Variants in TLE6 observed in about 807,000 individuals in gnomAD.
The protein encoded by TLE6 is TLE family member 6, subcortical maternal complex member, also known as transducin-like enhancer protein 6.
A neutral mutation model predicts 77.1 loss-of-function variants in TLE6; 72 were observed. The observed-to-expected ratio is 0.93, with a 90% CI of 0.77 to 1.14. The LOEUF (loss-of-function observed/expected upper bound fraction) is 1.14, where lower values mean the gene tolerates loss of function less well. Ranked by LOEUF, TLE6 falls within the 50% of genes most tolerant of loss-of-function variation. The pLI is 0.00. For synonymous variants in TLE6, 366 were observed against 287.3 expected (o/e 1.27, Z -2.77); for missense variants, 843 against 747.6 (o/e 1.13, Z -1.49).
intron 3 of TLE6, chr19:2,980,492 T>G (rs2088775637): frequency 4.9e-6 from 1 of 203,868 alleles, no homozygotes; most frequent in South Asian, 7.1e-5. Flanking sequence ...TCCCAGCACT[T>G]TGGGAGGCGG....
intron 5 of TLE6, among the ~76,000 whole-genome samples, chr19:2,982,618 G>T (rs903307748): frequency 6.6e-6 from 1 of 151,638 alleles, no homozygotes; most frequent in Non-Finnish European, 1.5e-5. Context: ...CTTGTGGGCC[G>T]TGGGAAGGAC....
In TLE6 at chr19:2,986,921, G is replaced by A. The variant is rs77652478; in HGVS notation, c.285+30G>A. On this transcript the variant is annotated intron_variant, in intron 6 of 16. Coordinates refer to ENST00000246112, the MANE Select transcript of TLE6 (RefSeq NM_001143986.2). ...GTTTCTGGGTCTTCAAGGAGGGGAG[G>A]GGACAGGCTTGGGTGAAGGCTCATC... The A allele has an allele frequency of 8.4e-5, 130 of 1,552,920 alleles. No individual in the cohort carries two copies. In the African/African-American group the frequency reaches 1.7e-3, roughly 21 times the overall value.
intron 11 of TLE6, 179 bp from the exon 12 acceptor site, chr19:2,988,882 A>C (rs1393598186): frequency 1.1e-6 from 1 of 909,654 alleles, no homozygotes; most frequent in Non-Finnish European, 1.6e-6. Flanking sequence ...GCTGTGGCAA[A>C]GGGACAATAC....
rs1431650395 is a variant in TLE6 at position 2,993,641 on chromosome 19, C to T, written c.1537+59C>T. The T allele has an allele frequency of 4.0e-6, 6 of 1,510,146 alleles. No individual in the cohort carries two copies. In the African/African-American group the frequency reaches 7.0e-5, roughly 18 times the overall value. 93.5% of individuals were successfully genotyped at this position (1,510,146 alleles called of 1,614,324 possible). ...TGCAGCCCCCAGCCTCCCACAAGAC[C>T]CCACCTAATGCCAGCTCCCCACCCA... is the stretch of plus-strand genomic sequence containing the variant. On this transcript the variant is annotated intron_variant, in intron 15 of 16. Coordinates refer to ENST00000246112, the MANE Select transcript of TLE6 (RefSeq NM_001143986.2).
intron 13 of TLE6, among the ~76,000 whole-genome samples, chr19:2,991,195 A>C (rs1483295677): frequency 6.7e-6 from 1 of 150,170 alleles, no homozygotes; most frequent in African/African-American, 2.5e-5. Context: ...CCCCATCTCT[A>C]CTAAAAATAC....
chr19:2,987,930 C>T lies in TLE6; in HGVS notation c.658C>T (p.Pro220Ser), dbSNP rs2088953555. The T allele has an allele frequency of 4.3e-6, 7 of 1,610,626 alleles. No individual in the cohort carries two copies. Among genetic ancestry groups the T allele is most frequent in the Non-Finnish European group, 5.1e-6 (6 of 1,177,828 alleles). ...PRPPEASSSP[P>S]EGSQDRNTSW... ...GCCACCTGAGGCCTCCTCCAGTCCC[C>T]CTGAGGGTTCCCAAGACAGGAACAC... The change falls in exon 10 of 17, where the codon CCT becomes TCT. Residue 220 changes from proline to serine, a missense_variant. By Grantham distance (74) the Pro-to-Ser change is moderately conservative (BLOSUM62 -1). Transcript: ENST00000246112.
At chr19:2,982,502 C>T (rs1005298223) in intron 5 of TLE6, among the ~76,000 whole-genome samples, 2 of 145,748 alleles carry the variant, frequency 1.4e-5, no homozygotes, top group African/African-American at 5.1e-5. Flanking sequence ...CGTGGAACTG[C>T]ACTCCAGCCT....
chr19:2,986,258 G>A (rs1479714448), intron 5 of TLE6, among the ~76,000 whole-genome samples: 1 of 151,014 alleles, frequency 6.6e-6, no homozygotes, highest in Non-Finnish European at 1.5e-5. Flanking sequence ...TACAAAAAGT[G>A]TATTTAAATT....
At chr19:2,991,351 T>C in intron 13 of TLE6, among the ~76,000 whole-genome samples, 1 of 115,924 alleles carries the variant, frequency 8.6e-6, no homozygotes, top group African/African-American at 3.6e-5. Flanking sequence ...AAAACGAGAC[T>C]CCATTTCAAA....
chr19:2,982,492 C>T (rs2088818026), intron 5 of TLE6, among the ~76,000 whole-genome samples: 2 of 139,488 alleles, frequency 1.4e-5, no homozygotes, highest in Admixed American at 7.7e-5. Context: ...GAGGCAAGAT[C>T]GTGGAACTGC....
intron 5 of TLE6, among the ~76,000 whole-genome samples, chr19:2,985,768 T>G (rs1206517846): frequency 6.7e-6 from 1 of 149,180 alleles, no homozygotes. Flanking sequence ...GTTTTCTTTT[T>G]AAAACATCCC....
rs1190095222 is a variant in TLE6 at position 2,978,254 on chromosome 19, C to T, written c.21C>T (p.Pro7=). MTSRDQ[P]RPKGPPKSTS... is the part of the protein sequence containing the mutation. ...TGAAGATGACCTCTAGGGACCAGCCCAGACCCAAGGGCCCCCCGAAAAGCA... is the reference window on the plus strand; with the variant it reads ...TGAAGATGACCTCTAGGGACCAGCCTAGACCCAAGGGCCCCCCGAAAAGCA... Residue 7 remains proline (P), a synonymous_variant, in exon 2 of 17, where the codon CCC becomes CCT. Coordinates refer to ENST00000246112, the MANE Select transcript of TLE6 (RefSeq NM_001143986.2). 6.4e-7 allele frequency: 1 copy of T among 1,551,400 alleles called. No individual in the cohort carries two copies. The highest frequency in any genetic ancestry group is 8.7e-7 in the Non-Finnish European group (1 of 1,146,982).
At chr19:2,979,308 G>A (rs952722156) in intron 2 of TLE6, among the ~76,000 whole-genome samples, 3 of 150,790 alleles carry the variant, frequency 2.0e-5, no homozygotes, top group South Asian at 2.1e-4. Flanking sequence ...GTGCAGTGGC[G>A]CGATCTCGGC....
At chr19:2,988,684 T>C (rs2088972296) in intron 11 of TLE6, among the ~76,000 whole-genome samples, 1 of 152,004 alleles carries the variant, frequency 6.6e-6, no homozygotes, top group Non-Finnish European at 1.5e-5. Flanking sequence ...TGGAAGGGGA[T>C]GGGGTGTAGC....
intron 14 of TLE6, among the ~76,000 whole-genome samples, chr19:2,992,620 T>A (rs2089095379): frequency 6.7e-6 from 1 of 149,846 alleles, no homozygotes; most frequent in Non-Finnish European, 1.5e-5. Context: ...AAAATAAAAA[T>A]AAAAATTAGC....
intron 2 of TLE6, 63 bp downstream of exon 2, chr19:2,978,347 C>T (rs2088722159): frequency 6.6e-7 from 1 of 1,516,714 alleles, no homozygotes; most frequent in Non-Finnish European, 8.9e-7. Context: ...TGGTTCTGCC[C>T]CTTTTCCACC....
At chr19:2,979,942 C>T (rs530879370) in intron 2 of TLE6, among the ~76,000 whole-genome samples, 158 bp from the exon 3 acceptor site, 27 of 137,852 alleles carry the variant, frequency 2.0e-4, no homozygotes, top group Admixed American at 7.1e-4. Flanking sequence ...CCAGCCTGGG[C>T]GACAGAGCAA....
At chr19:2,994,571 C>T (rs1308619065) in intron 16 of TLE6, among the ~76,000 whole-genome samples, 2 of 151,918 alleles carry the variant, frequency 1.3e-5, no homozygotes, top group Non-Finnish European at 2.9e-5. Context: ...GATTGTGCCA[C>T]TGCACTCCAG....
chr19:2,979,189 T>C (rs1328215956), intron 2 of TLE6, among the ~76,000 whole-genome samples: 2 of 152,040 alleles, frequency 1.3e-5, no homozygotes, highest in African/African-American at 4.8e-5. Context: ...CCTGACCTCG[T>C]GATCTGCCTG....
Sources: gnomAD v4.1 joint callset for allele counts (sites outside exome capture counted in the v4.1 genomes callset) on GRCh38, gnomAD v4.1.1 for gene constraint, MANE v1.5 for transcripts, NCBI Gene and HGNC (gene_info 2026-07-23, HGNC 2026-07-21) for gene names.